DYNC2I1: variants seen among roughly 807,000 people sequenced by gnomAD.
DYNC2I1 encodes dynein 2 intermediate chain 1.
In DYNC2I1, 89 loss-of-function variants were observed where a neutral mutation model predicts 133.4. The observed-to-expected ratio is 0.67, with a 90% CI of 0.56 to 0.80. The LOEUF (loss-of-function observed/expected upper bound fraction) is 0.80. Ranked by LOEUF, DYNC2I1 falls within the 30% of genes least tolerant of loss-of-function variation. The pLI, the probability that DYNC2I1 is intolerant of heterozygous loss-of-function variation, is 0.00. For synonymous variants in DYNC2I1, 504 were observed against 484.3 expected (o/e 1.04, Z -0.54); for missense variants, 1,291 against 1,314.5 (o/e 0.98, Z 0.28).
intron 16 of DYNC2I1, among the ~76,000 whole-genome samples, chr7:158,923,258 T>C (rs1487460819): frequency 3.9e-5 from 6 of 152,196 alleles, no homozygotes; most frequent in Non-Finnish European, 7.3e-5. Context: ...AACTGCTACT[T>C]CTGAGGTTCA....
chr7:158,937,005 C>T (rs970880481), intron 23 of DYNC2I1, among the ~76,000 whole-genome samples: 1 of 152,150 alleles, frequency 6.6e-6, no homozygotes, highest in African/African-American at 2.4e-5. Context: ...CAAGAAACAG[C>T]AGCAAACAGG....
intron 7 of DYNC2I1, among the ~76,000 whole-genome samples, chr7:158,887,530 A>T (rs867640588): frequency 6.6e-6 from 1 of 152,210 alleles, no homozygotes; most frequent in Middle Eastern, 3.2e-3. Flanking sequence ...TAACTTTAGC[A>T]CCCCACTTTC....
At chr7:158,909,109 T>A (rs1259961865) in intron 11 of DYNC2I1, among the ~76,000 whole-genome samples, 1 of 151,736 alleles carries the variant, frequency 6.6e-6, no homozygotes, top group Non-Finnish European at 1.5e-5. Flanking sequence ...GGCGGGCGGA[T>A]CACCTGAGGT....
At chr7:158,880,163 TCTC>T (rs1386371965) in intron 5 of DYNC2I1, among the ~76,000 whole-genome samples, 174 bp downstream of exon 5, 1 of 152,232 alleles carries the variant, frequency 6.6e-6, no homozygotes, top group Non-Finnish European at 1.5e-5. Context: ...AGATTACTGA[TCTC>T]CTAAGGAATG....
At position 158,879,861 on chromosome 7, in the gene DYNC2I1, AAAGGGG is replaced by A; in HGVS notation, c.755_760del (p.Gly252_Glu253del). On this transcript the variant is annotated inframe_deletion, in exon 5 of 25. Coordinates refer to ENST00000407559, the MANE Select transcript of DYNC2I1 (RefSeq NM_018051.5). ...AGAGAAAAGTAATTCATTCTCTGAC[AAAGGGG>A]AAGAAAGACATAAAGAAAAGCGACA... is the stretch of plus-strand genomic sequence containing the variant. 6.2e-7 allele frequency: 1 copy of A among 1,613,848 alleles called. No homozygotes were observed. The highest frequency in any genetic ancestry group is 1.3e-5 in the African/African-American group (1 of 75,022).
chr7:158,889,728 G>A (rs1845004048), intron 7 of DYNC2I1, among the ~76,000 whole-genome samples: 1 of 151,926 alleles, frequency 6.6e-6, no homozygotes, highest in Admixed American at 6.6e-5. Flanking sequence ...AAAAGGCCAG[G>A]CATGGTAGCT....
intron 23 of DYNC2I1, among the ~76,000 whole-genome samples, chr7:158,938,493 C>T (rs1168063722): frequency 6.6e-6 from 1 of 152,180 alleles, no homozygotes; most frequent in East Asian, 1.9e-4. Context: ...CATGGTGGCT[C>T]ACGCCTGTAA....
At chr7:158,851,796 C>T (rs1563057519), upstream of DYNC2I1, among the ~76,000 whole-genome samples, 1 of 152,154 alleles carries the variant, frequency 6.6e-6, no homozygotes. Context: ...AATCATGAAT[C>T]ATCTCTGGGC....
intron 23 of DYNC2I1, among the ~76,000 whole-genome samples, chr7:158,934,921 G>C (rs1239976348): frequency 6.6e-6 from 1 of 152,100 alleles, no homozygotes; most frequent in Non-Finnish European, 1.5e-5. Context: ...CATTTATGGG[G>C]CGTCAGTGGT....
chr7:158,916,862 A>G (rs552197618), intron 14 of DYNC2I1, among the ~76,000 whole-genome samples: 6 of 75,330 alleles, frequency 8.0e-5, no homozygotes, highest in Non-Finnish European at 1.6e-4. Flanking sequence ...TGAAACGTCT[A>G]CACGCTGGTT....
At chr7:158,846,169 G>A in the DYNC2I1 span, among the ~76,000 whole-genome samples, 1 of 152,202 alleles carries the variant, frequency 6.6e-6, no homozygotes, top group African/African-American at 2.4e-5. Flanking sequence ...TGAGGCAGGA[G>A]AATCGCTTGA....
intron 11 of DYNC2I1, among the ~76,000 whole-genome samples, chr7:158,910,355 T>A (rs1416539724): frequency 4.7e-5 from 7 of 148,872 alleles, no homozygotes; most frequent in Admixed American, 4.0e-4. Context: ...ATGGGCTGTG[T>A]CAGGCCTGTG....
upstream of DYNC2I1, among the ~76,000 whole-genome samples, chr7:158,855,094 G>A (rs993993499): frequency 3.9e-5 from 6 of 152,222 alleles, no homozygotes; most frequent in African/African-American, 1.4e-4. Flanking sequence ...AGAGCCTATC[G>A]AGATGGGGGA....
At chr7:158,884,738 T>C (rs1844429533) in intron 6 of DYNC2I1, 119 bp downstream of exon 6, 1 of 963,466 alleles carries the variant, frequency 1.0e-6, no homozygotes, top group African/African-American at 1.7e-5. Context: ...ATAGATATAC[T>C]TCATTTTCTC....
chr7:158,949,130 C>T (rs1397394101), downstream of DYNC2I1, among the ~76,000 whole-genome samples: 1 of 152,112 alleles, frequency 6.6e-6, no homozygotes, highest in Non-Finnish European at 1.5e-5. Context: ...CACCACCGTC[C>T]AACAGCACCT....
chr7:158,952,004 A>G (rs571140727), intron 4 of DYNC2I1, among the ~76,000 whole-genome samples: 45 of 152,234 alleles, frequency 3.0e-4, no homozygotes, highest in African/African-American at 1.1e-3. Context: ...TCTCACCACC[A>G]CCAAACCTCA....
intron 21 of DYNC2I1, among the ~76,000 whole-genome samples, chr7:158,931,264 T>C (rs1363110397): frequency 6.6e-6 from 1 of 152,228 alleles, no homozygotes; most frequent in Admixed American, 6.5e-5. Context: ...TTAATTTATT[T>C]CCTAAAGTAT....
intron 1 of DYNC2I1, among the ~76,000 whole-genome samples, chr7:158,863,814 G>T (rs1193849195): frequency 3.7e-5 from 5 of 136,144 alleles, no homozygotes; most frequent in Admixed American, 3.6e-4. Flanking sequence ...CTTAGCTCTG[G>T]GTGTTTGGTG....
chr7:158,900,068 C>T (rs7792403), intron 8 of DYNC2I1, among the ~76,000 whole-genome samples: 1 of 150,590 alleles, frequency 6.6e-6, no homozygotes, highest in African/African-American at 2.4e-5. Context: ...AAACATTTCT[C>T]TATGCTGTCT....
Sources: allele counts gnomAD v4.1 joint callset (sites outside exome capture counted in the v4.1 genomes callset), GRCh38; gene constraint gnomAD v4.1.1; transcripts MANE v1.5; gene names NCBI Gene and HGNC (gene_info 2026-07-23, HGNC 2026-07-21).